The following BBX variants were observed in gnomAD, a reference collection of about 807,000 sequenced individuals.
BBX encodes the protein BBX high mobility group box domain containing, also known as HMG box transcription factor BBX.
Under a neutral mutation model 100.2 loss-of-function variants are expected in BBX, and 30 were observed. The observed-to-expected ratio is 0.30, with a 90% CI of 0.22 to 0.41. The LOEUF (loss-of-function observed/expected upper bound fraction) is 0.41. Ranked by LOEUF, BBX falls within the 10% of genes least tolerant of loss-of-function variation. The pLI is 1.00. For missense variants in BBX, 1,023 were observed against 1,129.8 expected (o/e 0.91, Z 1.35); for synonymous variants, 376 against 388.1 (o/e 0.97, Z 0.37).
rs1383147953 is a variant in BBX, at chr3:107,728,754, T to G, written c.406-11T>G. 1.9e-6 allele frequency: 3 copies of G among 1,592,720 alleles called. No individual in the cohort carries two copies. Among genetic ancestry groups the G allele is most frequent in the Non-Finnish European group, 1.7e-6 (2 of 1,171,052 alleles). ...TTAATTAAAATCTGCTGTCTGTCGT[T>G]TTATTTATAGTATAAGGATGCATTT... On this transcript the variant is annotated splice_polypyrimidine_tract_variant and intron_variant, in intron 5 of 17. Transcript: ENST00000325805.
At chr3:107,795,259 C>T (rs1171624706) in intron 15 of BBX, among the ~76,000 whole-genome samples, 1 of 152,154 alleles carries the variant, frequency 6.6e-6, no homozygotes, top group Admixed American at 6.5e-5. Context: ...TGTCGTTGGA[C>T]TCAGATCTAC....
chr3:107,543,904 C>T (rs940672188), intron 2 of BBX, among the ~76,000 whole-genome samples: 3 of 152,160 alleles, frequency 2.0e-5, no homozygotes, highest in African/African-American at 7.2e-5. Flanking sequence ...TGTACTGCGA[C>T]GCCTCATGGT....
In BBX at chr3:107,526,117, C is replaced by T. The variant is rs141355853; in HGVS notation, c.-155-210C>T. Among the ~76,000 whole-genome samples, 495 of 152,280 alleles carry T rather than the reference C, an allele frequency of 3.3e-3. 1 individual carries two copies. The highest frequency in any genetic ancestry group is 0.012 in the African/African-American group (480 of 41,540). ...CTAGAATGCCAGTTGGGTTGCCCCC[C>T]AGCCTCTGCCCTTTCAATACGGGGA... On this transcript the variant is annotated intron_variant, in intron 1 of 17. Transcript: ENST00000325805.
chr3:107,584,816 G>A (rs2052708720), intron 2 of BBX, among the ~76,000 whole-genome samples: 1 of 150,666 alleles, frequency 6.6e-6, no homozygotes, highest in African/African-American at 2.4e-5. Flanking sequence ...TTCAGCCTCT[G>A]GAGTAGCTGG....
At chr3:107,561,390 C>A (rs747098397) in intron 2 of BBX, among the ~76,000 whole-genome samples, 20 of 151,890 alleles carry the variant, frequency 1.3e-4, no homozygotes, top group African/African-American at 4.8e-4. Context: ...ATCTATATGC[C>A]CTTGTGAAAC....
At chr3:107,736,085 T>C (rs768270646) in intron 7 of BBX, among the ~76,000 whole-genome samples, 1 of 152,036 alleles carries the variant, frequency 6.6e-6, no homozygotes, top group Admixed American at 6.6e-5. Context: ...TGTTACAGAA[T>C]TTATTGATTG....
At chr3:107,577,039 T>G (rs1474265822) in intron 2 of BBX, among the ~76,000 whole-genome samples, 4 of 152,212 alleles carry the variant, frequency 2.6e-5, no homozygotes, top group Admixed American at 2.6e-4. Context: ...TTTTGTATTT[T>G]TAGTAGAGAT....
intron 2 of BBX, among the ~76,000 whole-genome samples, chr3:107,591,948 T>A (rs1360838557): frequency 6.6e-6 from 1 of 152,212 alleles, no homozygotes; most frequent in Non-Finnish European, 1.5e-5. Flanking sequence ...TTCTGAAACT[T>A]TCCAGTGTCT....
At chr3:107,600,030 G>C (rs1231567337) in intron 2 of BBX, among the ~76,000 whole-genome samples, 2 of 152,192 alleles carry the variant, frequency 1.3e-5, no homozygotes, top group African/African-American at 4.8e-5. Context: ...GTAAACTAAA[G>C]TGAAAGTTTT....
chr3:107,568,265 A>T (rs1370966372), intron 2 of BBX, among the ~76,000 whole-genome samples: 11 of 131,508 alleles, frequency 8.4e-5, no homozygotes, highest in South Asian at 2.5e-4. Flanking sequence ...ATTTTCTGCT[A>T]TTTTTTTTTT....
At chr3:107,599,858 G>A (rs953903561) in intron 2 of BBX, among the ~76,000 whole-genome samples, 14 of 152,128 alleles carry the variant, frequency 9.2e-5, no homozygotes, top group African/African-American at 3.4e-4. Flanking sequence ...GGTGGCGGTT[G>A]TCTGTAAACA....
chr3:107,578,606 C>T (rs928735668), intron 2 of BBX, among the ~76,000 whole-genome samples: 3 of 152,104 alleles, frequency 2.0e-5, no homozygotes, highest in African/African-American at 7.2e-5. Context: ...TTTTTTATGG[C>T]TTCATTTTCC....
At chr3:107,663,464 A>G (rs572387190) in intron 3 of BBX, among the ~76,000 whole-genome samples, 1 of 152,278 alleles carries the variant, frequency 6.6e-6, no homozygotes, top group South Asian at 2.1e-4. Context: ...TTTGTAGCCC[A>G]CAGTGTGCCC....
chr3:107,751,589 CCTT>C (rs757975662), intron 9 of BBX, among the ~76,000 whole-genome samples: 12 of 151,936 alleles, frequency 7.9e-5, no homozygotes, highest in Non-Finnish European at 1.2e-4. Flanking sequence ...AGATATTTTT[CCTT>C]CTTAACCAAA....
At chr3:107,603,595 G>A (rs891523782) in intron 2 of BBX, among the ~76,000 whole-genome samples, 1 of 151,796 alleles carries the variant, frequency 6.6e-6, no homozygotes, top group Non-Finnish European at 1.5e-5. Flanking sequence ...GACCAGGATG[G>A]TCTCGATCTC....
At chr3:107,745,269 G>A (rs1352071642) in intron 8 of BBX, among the ~76,000 whole-genome samples, 2 of 152,096 alleles carry the variant, frequency 1.3e-5, no homozygotes, top group African/African-American at 4.8e-5. Flanking sequence ...TAAAGTTTAA[G>A]ACTGCTCAGA....
intron 10 of BBX, among the ~76,000 whole-genome samples, chr3:107,762,885 A>G (rs1350507530): frequency 6.6e-6 from 1 of 152,138 alleles, no homozygotes. Context: ...AGAATCCAAT[A>G]CTTTGAGTTC....
intron 2 of BBX, among the ~76,000 whole-genome samples, chr3:107,612,876 G>A (rs893791242): frequency 2.0e-5 from 3 of 152,162 alleles, no homozygotes; most frequent in Non-Finnish European, 2.9e-5. Context: ...GATGCTGTCT[G>A]GGAACCAGAG....
At chr3:107,755,716 A>T (rs1300411884) in intron 10 of BBX, 38 bp downstream of exon 10, 4 of 1,530,062 alleles carry the variant, frequency 2.6e-6, no homozygotes, top group Middle Eastern at 1.7e-4. Context: ...AGATCTGCAG[A>T]GGTGGAAATT....
Sources: allele counts gnomAD v4.1 joint callset (sites outside exome capture counted in the v4.1 genomes callset), GRCh38; gene constraint gnomAD v4.1.1; transcripts MANE v1.5; gene names NCBI Gene and HGNC (gene_info 2026-07-23, HGNC 2026-07-21).